Variants in GAREM2 observed in about 807,000 individuals in gnomAD.
The protein encoded by GAREM2 is GRB2-associated and regulator of MAPK protein 2.
In GAREM2, 30 loss-of-function variants were observed where a neutral mutation model predicts 55.6. The ratio of observed to expected loss-of-function variants is 0.54; its 90% CI spans 0.40 to 0.73. The LOEUF (loss-of-function observed/expected upper bound fraction) is 0.73. Among genes scored for constraint, GAREM2 ranks in the 30% least tolerant of loss-of-function variants. The pLI is 0.00. For synonymous variants in GAREM2, 550 were observed against 569.1 expected (o/e 0.97, Z 0.48); for missense variants, 1,075 against 1,257.7 (o/e 0.85, Z 2.20).
the GAREM2 span, chr2:26,204,172 C>T: frequency 1.2e-6 from 2 of 1,613,976 alleles, no homozygotes; most frequent in South Asian, 1.1e-5. Flanking sequence ...CTCCCATCAG[C>T]CCTGCACCAA....
At chr2:26,191,368 C>T (rs1311935374), downstream of GAREM2, 3 of 1,614,044 alleles carry the variant, frequency 1.9e-6, no homozygotes, top group East Asian at 2.2e-5. Flanking sequence ...CTTCTGGGCG[C>T]CATACAGATC....
At chr2:26,195,250 A>C in the GAREM2 span, 4 of 1,607,876 alleles carry the variant, frequency 2.5e-6, no homozygotes, top group Non-Finnish European at 3.4e-6. Flanking sequence ...GGGGAACCAA[A>C]AGCCAACAGA....
intron 1 of GAREM2, among the ~76,000 whole-genome samples, chr2:26,175,678 G>T (rs1668842663): frequency 6.6e-6 from 1 of 152,180 alleles, no homozygotes; most frequent in Non-Finnish European, 1.5e-5. Flanking sequence ...AGGAAGGGCT[G>T]CCCTTGGGAG....
chr2:26,183,124 T>A, intron 3 of GAREM2, 27 bp downstream of exon 3: 1 of 1,549,550 alleles, frequency 6.5e-7, no homozygotes, highest in African/African-American at 1.4e-5. Context: ...CCAGGTGTGG[T>A]GTCCCCACAC....
intron 2 of GAREM2, among the ~76,000 whole-genome samples, chr2:26,178,413 C>G (rs1233989714): frequency 6.8e-6 from 1 of 147,996 alleles, no homozygotes; most frequent in African/African-American, 2.6e-5. Context: ...ACAAACAACC[C>G]CCCCCCCCAA....
At chr2:26,178,760 C>A (rs1425808351) in intron 2 of GAREM2, among the ~76,000 whole-genome samples, 2 of 152,034 alleles carry the variant, frequency 1.3e-5, no homozygotes, top group Non-Finnish European at 2.9e-5. Flanking sequence ...CTCTTCCTCC[C>A]ATCTCTCTGG....
the GAREM2 span, chr2:26,195,075 G>T: frequency 6.2e-7 from 1 of 1,606,796 alleles, no homozygotes; most frequent in Non-Finnish European, 8.5e-7. Flanking sequence ...CTGCAGCTCT[G>T]TTATACAGCC....
Position 26,186,105 on chromosome 2 carries a change from C to G in GAREM2, c.1429-84C>G, listed in dbSNP as rs148790250. The G allele has an allele frequency of 2.4e-3, 3,258 of 1,333,692 alleles. 41 individuals carry two copies. The highest frequency in any genetic ancestry group is 0.02 in the South Asian group (1,339 of 66,290). The allele number at this position is 1,333,692 out of a possible 1,614,324, so 82.6% of individuals were successfully genotyped here. A position where few individuals can be genotyped will look rare whatever the true frequency, so the allele number is the denominator to read the frequency against. On this transcript the variant is annotated intron_variant, in intron 4 of 5. Transcript: ENST00000401533. The stretch of plus-strand genomic sequence containing the variant: ...GGGCAAATGTCAGGCCCAGACAGCC[C>G]CCTCGCCCAGCTGCTTGGGAAGGGG...
Position 26,188,381 on chromosome 2 carries a change from T to A in GAREM2, c.*124T>A. Reference sequence around the variant, plus strand: ...GAGACTGAGGCTGCTCAGCAGCCACTGGGTGGATCCAGGGGAGATGCATGT... The same window carrying A: ...GAGACTGAGGCTGCTCAGCAGCCACAGGGTGGATCCAGGGGAGATGCATGT... On this transcript the variant is annotated 3_prime_UTR_variant, in exon 6 of 6. Coordinates refer to ENST00000401533, the MANE Select transcript of GAREM2 (RefSeq NM_001168241.2). 4.2e-6 allele frequency: 3 copies of A among 713,398 alleles called. No individual in the cohort carries two copies. The highest frequency in any genetic ancestry group is 4.3e-6 in the Non-Finnish European group (2 of 461,402). The allele number at this position is 713,398 out of a possible 1,614,324, so 44.2% of individuals were successfully genotyped here.
chr2:26,200,018 G>A, the GAREM2 span, among the ~76,000 whole-genome samples: 2 of 152,208 alleles, frequency 1.3e-5, no homozygotes, highest in African/African-American at 4.8e-5. Context: ...GTAGAACACG[G>A]AGACATGAGG....
chr2:26,176,312 C>T (rs1668863013), intron 1 of GAREM2, 32 bp from the exon 2 acceptor site: 1 of 1,495,958 alleles, frequency 6.7e-7, no homozygotes, highest in East Asian at 2.6e-5. Context: ...GTCTTCCTTC[C>T]CCTCATCCTC....
At position 26,188,088 on chromosome 2, in the gene GAREM2, G is replaced by A. The variant is rs910013648; in HGVS notation, c.2456G>A (p.Arg819His). 1.3e-5 allele frequency: 20 copies of A among 1,550,020 alleles called. No individual in the cohort carries two copies. The South Asian group carries it at 1.4e-4, about 11-fold the overall frequency. Residue 819 changes from arginine to histidine, a missense_variant, in exon 6 of 6, where the codon CGT (arginine) becomes CAT (histidine). Physicochemically the swap from Arg to His is conservative, Grantham distance 29 (BLOSUM62 0). Around this residue, in one of 6 missense-constraint regions of GAREM2, gnomAD observed 142 missense variants for 172.3 expected, o/e 0.82. Coordinates refer to ENST00000401533, the MANE Select transcript of GAREM2 (RefSeq NM_001168241.2). The part of the protein sequence containing the change: ...LSLEEVSRSL[R>H]FIGLSEDVVS... ...CTGGAGGAGGTCTCTCGCAGTCTGC[G>A]TTTCATCGGGCTCTCAGAGGATGTG...
At chr2:26,182,318 G>T in intron 2 of GAREM2, 1 of 1,470,046 alleles carries the variant, frequency 6.8e-7, no homozygotes, top group Non-Finnish European at 9.0e-7. Flanking sequence ...CTGGGTTCAG[G>T]TCAGAGCCTC....
chr2:26,204,001 A>G, the GAREM2 span: 1 of 1,571,286 alleles, frequency 6.4e-7, no homozygotes, highest in Non-Finnish European at 8.8e-7. Context: ...CCACCACAAA[A>G]AACAACTAAC....
At chr2:26,195,331 T>C in the GAREM2 span, 1 of 1,034,138 alleles carries the variant, frequency 9.7e-7, no homozygotes, top group Non-Finnish European at 1.5e-6. Context: ...GAAAGGTGGC[T>C]GTGATATAGG....
chr2:26,173,135 C>T lies in GAREM2; in HGVS notation c.-86C>T. 3.6e-6 allele frequency: 1 copy of T among 274,954 alleles called. No homozygotes were observed. Among genetic ancestry groups the T allele is most frequent in the Non-Finnish European group, 5.5e-6 (1 of 181,122 alleles). The allele number at this position is 274,954 out of a possible 1,614,324, so 17.0% of individuals were successfully genotyped here. A position where few individuals can be genotyped will look rare whatever the true frequency, so the allele number is the denominator to read the frequency against. ...CAGGCGGCGAGCGCCGCGGCGGCCC[C>T]GGGAGGTGGCGGCGGGCGCGAGAGC... On this transcript the variant is annotated 5_prime_UTR_variant, in exon 1 of 6. Transcript: ENST00000401533.
chr2:26,187,794 A>T lies in GAREM2; in HGVS notation c.2162A>T (p.Glu721Val). The T allele has an allele frequency of 6.9e-7, 1 of 1,443,510 alleles. No homozygotes were observed. Among genetic ancestry groups the T allele is most frequent in the Non-Finnish European group, 9.1e-7 (1 of 1,093,516 alleles). The allele number at this position is 1,443,510 out of a possible 1,614,324, so 89.4% of individuals were successfully genotyped here. Residue 721 changes from glutamate (E) to valine (V), a missense_variant, in exon 6 of 6, where the codon GAG becomes GTG. This residue lies in a region of GAREM2 where 515 missense variants were observed against 501.5 expected (regional missense o/e 1.03). Transcript: ENST00000401533. Reference protein sequence around the residue: ...SPEPELLRSQEPRAVGTPGPG... With the variant: ...SPEPELLRSQVPRAVGTPGPG... ...GAGCCTGAGCTGCTGCGTTCTCAGGAGCCCAGAGCAGTGGGGACACCTGGG... is the reference window on the plus strand; with the variant it reads ...GAGCCTGAGCTGCTGCGTTCTCAGGTGCCCAGAGCAGTGGGGACACCTGGG...
At chr2:26,178,815 G>A (rs1429167979) in intron 2 of GAREM2, among the ~76,000 whole-genome samples, 1 of 147,888 alleles carries the variant, frequency 6.8e-6, no homozygotes, top group Admixed American at 6.8e-5. Flanking sequence ...GAGGGGTGGT[G>A]GTCTTGGGGG....
chr2:26,199,430 CT>C, the GAREM2 span: 3 of 152,212 alleles, frequency 2.0e-5, no homozygotes, highest in African/African-American at 7.2e-5. Flanking sequence ...TGTCAGAAAG[CT>C]TACGTAGTGT....
Sources: gnomAD v4.1 joint callset for allele counts (sites outside exome capture counted in the v4.1 genomes callset) on GRCh38, gnomAD v4.1.1 for gene constraint, gnomAD v4.1.1 regional missense constraint, MANE v1.5 for transcripts, NCBI Gene and HGNC (gene_info 2026-07-23, HGNC 2026-07-21) for gene names.